Variants in KCNAB3 observed in about 807,000 individuals in gnomAD.
KCNAB3 encodes potassium voltage-gated channel subfamily A regulatory beta subunit 3.
Under a neutral mutation model 67.7 loss-of-function variants are expected in KCNAB3, and 62 were observed. That is an observed-to-expected ratio of 0.92 (90% CI 0.75 to 1.13). KCNAB3 has a LOEUF of 1.13. KCNAB3 is among the 50% of genes most tolerant of loss of function. The probability of loss-of-function intolerance (pLI) is 0.00; values close to 1 mark genes in which losing one functional copy is unlikely to be tolerated. For synonymous variants in KCNAB3, 212 were observed against 205.4 expected, an observed-to-expected ratio of 1.03 and a Z score of -0.27; for missense variants, 514 against 522.9, an observed-to-expected ratio of 0.98 and a Z score of 0.17.
chr17:7,922,711 G>T lies in KCNAB3; in HGVS notation c.*391C>A. The T allele has an allele frequency of 4.2e-6, 1 of 238,542 alleles. No homozygotes were observed. Among genetic ancestry groups the T allele is most frequent in the Non-Finnish European group, 8.5e-6 (1 of 118,268 alleles). 14.8% of individuals were successfully genotyped at this position (238,542 alleles called of 1,614,324 possible). A position where few individuals can be genotyped will look rare whatever the true frequency, so the allele number is the denominator to read the frequency against. On this transcript the variant is annotated 3_prime_UTR_variant, in exon 14 of 14. Transcript: ENST00000303790. Reference sequence around the variant, plus strand: ...TATTACCCTTTGATGACATTTCAAGGGCCCCTTTTGAGGTACACTGTATGT... The same window carrying T: ...TATTACCCTTTGATGACATTTCAAGTGCCCCTTTTGAGGTACACTGTATGT...
intron 4 of KCNAB3, 149 bp downstream of exon 4, chr17:7,927,195 C>A (rs369486446): frequency 2.7e-6 from 2 of 738,602 alleles, no homozygotes; most frequent in South Asian, 1.5e-5. Context: ...GACTGTAGCT[C>A]CTACAGTGCT....
chr17:7,927,879 A>T, intron 1 of KCNAB3, 53 bp from the exon 2 acceptor site: 1 of 1,606,032 alleles, frequency 6.2e-7, no homozygotes, highest in Non-Finnish European at 8.5e-7. Flanking sequence ...ATGGACTTAG[A>T]TTATCAGCCC....
At chr17:7,925,830 G>A (rs575871215) in intron 6 of KCNAB3, 101 bp downstream of exon 6, 2 of 1,591,198 alleles carry the variant, frequency 1.3e-6, no homozygotes, top group African/African-American at 2.7e-5. Flanking sequence ...CACAGGCATG[G>A]TGCGGACCTG....
chr17:7,925,542 A>AT, intron 7 of KCNAB3, 141 bp downstream of exon 7: 1 of 763,314 alleles, frequency 1.3e-6, no homozygotes, highest in South Asian at 1.7e-5. Context: ...AAAAAAAAAA[A>AT]AAAAAAAAAG....
In KCNAB3 at chr17:7,925,689, T is replaced by C. The variant is rs944707554; in HGVS notation, c.532A>G (p.Ile178Val). ...TCCAGCCCCTAACTCTCACCCTCAA[T>C]GATGTGCTTTCGGCTTAAACCTCGC... The part of the protein sequence containing the change: ...TERGLSRKHI[I>V]EGLRGSLERL... The change falls in exon 7 of 14, where the codon ATT becomes GTT. Residue 178 changes from isoleucine to valine, a missense_variant. Ile to Val is a conservative substitution (Grantham distance 29, BLOSUM62 3). Coordinates refer to ENST00000303790, the MANE Select transcript of KCNAB3 (RefSeq NM_004732.4). 1 of 1,613,548 alleles carries C rather than the reference T, an allele frequency of 6.2e-7. No homozygotes were observed. Among genetic ancestry groups the C allele is most frequent in the East Asian group, 2.2e-5 (1 of 44,874 alleles).
At chr17:7,927,267 A>T in intron 4 of KCNAB3, 77 bp downstream of exon 4, 1 of 1,355,954 alleles carries the variant, frequency 7.4e-7, no homozygotes. Flanking sequence ...GGTTCTTTAG[A>T]GGGAAAACGA....
At chr17:7,927,573 G>A in intron 3 of KCNAB3, 84 bp downstream of exon 3, 1 of 1,568,550 alleles carries the variant, frequency 6.4e-7, no homozygotes, top group Middle Eastern at 1.7e-4. Context: ...TGTGCTTGTT[G>A]TCCAAACCCC....
At chr17:7,923,250 A>G (rs1341002162) in intron 13 of KCNAB3, 71 bp from the exon 14 acceptor site, 6 of 1,473,740 alleles carry the variant, frequency 4.1e-6, no homozygotes, top group Non-Finnish European at 5.7e-6. Context: ...GGGTTCCAGT[A>G]GCCGGGGAAG....
intron 1 of KCNAB3, chr17:7,928,981 A>G: frequency 1.3e-6 from 1 of 752,678 alleles, no homozygotes; most frequent in Non-Finnish European, 2.1e-6. Context: ...GACAGGACCC[A>G]GTCAACCTTG....
rs370804500 is a variant in KCNAB3, at chr17:7,923,951, G to A, written c.927+17C>T. On this transcript the variant is annotated intron_variant, in intron 11 of 13. Coordinates refer to ENST00000303790, the MANE Select transcript of KCNAB3 (RefSeq NM_004732.4). Reference sequence around the variant, plus strand: ...CCATATAGCCCAGTCCTGCCATCGAGAGCCCCCAGATCTCACCTTGATGGA... The same window carrying A: ...CCATATAGCCCAGTCCTGCCATCGAAAGCCCCCAGATCTCACCTTGATGGA... 6.2e-7 allele frequency: 1 copy of A among 1,610,086 alleles called. No homozygotes were observed.
At position 7,922,967 on chromosome 17, in the gene KCNAB3, G is replaced by C. The variant is rs1972084455; in HGVS notation, c.*135C>G. On this transcript the variant is annotated 3_prime_UTR_variant, in exon 14 of 14. Transcript: ENST00000303790. ...TTCATGCGTATCACTACTCGAAGCC[G>C]GGACTCGTTGGTGGGCGGGGCTAGT... 5.1e-6 allele frequency: 4 copies of C among 780,946 alleles called. No homozygotes were observed. The highest frequency in any genetic ancestry group is 3.4e-5 in the African/African-American group (2 of 59,156). The allele number at this position is 780,946 out of a possible 1,614,324, so 48.4% of individuals were successfully genotyped here. A position where few individuals can be genotyped will look rare whatever the true frequency, so the allele number is the denominator to read the frequency against.
Position 7,928,085 on chromosome 17 carries a change from T to C in KCNAB3, c.243-259A>G, listed in dbSNP as rs1310558858. The C allele has an allele frequency of 2.2e-5, 13 of 587,224 alleles. No homozygotes were observed. The East Asian group carries it at 2.8e-4, about 13-fold the overall frequency. 36.4% of individuals were successfully genotyped at this position (587,224 alleles called of 1,614,324 possible). ...AGAGTCTCCATTCCCTCTTATCACATTGAAGACGTGCAGTCTGGTTTGTCC... is the reference window on the plus strand; with the variant it reads ...AGAGTCTCCATTCCCTCTTATCACACTGAAGACGTGCAGTCTGGTTTGTCC... On this transcript the variant is annotated intron_variant, in intron 1 of 13. Coordinates refer to ENST00000303790, the MANE Select transcript of KCNAB3 (RefSeq NM_004732.4).
In KCNAB3 at chr17:7,929,138, T is replaced by A. The variant is rs1263603317; in HGVS notation, c.242+56A>T. 1 of 1,600,184 alleles carries A rather than the reference T, an allele frequency of 6.2e-7. No homozygotes were observed. The highest frequency in any genetic ancestry group is 1.1e-5 in the South Asian group (1 of 89,640). On this transcript the variant is annotated intron_variant, in intron 1 of 13. Coordinates refer to ENST00000303790, the MANE Select transcript of KCNAB3 (RefSeq NM_004732.4). The surrounding 1 kb of genome is among the most constrained non-coding windows in gnomAD (Gnocchi z 5.7). ...GGGTCTTGGCGGCCATCTCAAGCAGTCTCAGGGGTCCCGAAAGGAAAGCGG... is the reference window on the plus strand; with the variant it reads ...GGGTCTTGGCGGCCATCTCAAGCAGACTCAGGGGTCCCGAAAGGAAAGCGG...
At chr17:7,925,891 T>C in intron 6 of KCNAB3, 40 bp downstream of exon 6, 1 of 1,591,054 alleles carries the variant, frequency 6.3e-7, no homozygotes, top group Non-Finnish European at 8.6e-7. Context: ...ACACATTCTT[T>C]GTAGGCCTTC....
chr17:7,924,529 C>T (rs755125793), intron 8 of KCNAB3, 29 bp from the exon 9 acceptor site: 3 of 1,588,536 alleles, frequency 1.9e-6, no homozygotes, highest in Non-Finnish European at 2.6e-6. Context: ...GAAAGCCTTA[C>T]TGTCAGAGCC....
At chr17:7,927,724 C>G (rs1451302254) in intron 2 of KCNAB3, 30 bp from the exon 3 acceptor site, 9 of 1,614,236 alleles carry the variant, frequency 5.6e-6, no homozygotes, top group Non-Finnish European at 6.8e-6. Flanking sequence ...CACATGAGAA[C>G]TGCAGGGGGC....
intron 1 of KCNAB3, 112 bp from the exon 2 acceptor site, chr17:7,927,938 A>G (rs897919673): frequency 1.5e-6 from 2 of 1,290,850 alleles, no homozygotes; most frequent in Non-Finnish European, 2.2e-6. Flanking sequence ...TCTCAGTCCA[A>G]AGAAATTAGA....
In KCNAB3 at chr17:7,927,402, C is replaced by T; in HGVS notation, c.346G>A (p.Val116Ile). 1 of 1,613,966 alleles carries T rather than the reference C, an allele frequency of 6.2e-7. No individual in the cohort carries two copies. Among genetic ancestry groups the T allele is most frequent in the Non-Finnish European group, 8.5e-7 (1 of 1,180,006 alleles). ...AGGTTTACACCATGCTCATAGGCTA[C>T]AGTCAGCACATCCTCTGCTGTCTAG... ...SDETAEDVLT[V>I]AYEHGVNLFD... The change falls in exon 4 of 14, where the codon GTA becomes ATA. Residue 116 changes from valine to isoleucine, a missense_variant. Val to Ile is a conservative substitution (Grantham distance 29, BLOSUM62 3). Coordinates refer to ENST00000303790, the MANE Select transcript of KCNAB3 (RefSeq NM_004732.4).
rs773306552 is a variant in KCNAB3 at position 7,925,180 on chromosome 17, A to C, written c.542T>G (p.Leu181Trp). The change falls in exon 8 of 14, where the codon TTG becomes TGG. Residue 181 changes from leucine to tryptophan, a missense_variant. Coordinates refer to ENST00000303790, the MANE Select transcript of KCNAB3 (RefSeq NM_004732.4). ...CTGGAGGCGTTCCAGGGATCCTCGC[A>C]AGCCTGGAGGTGGGGTAGGGAGAAG... Reference protein sequence around the residue: ...GLSRKHIIEGLRGSLERLQLG... With the variant: ...GLSRKHIIEGWRGSLERLQLG... 6.2e-7 allele frequency: 1 copy of C among 1,613,328 alleles called. No homozygotes were observed. The highest frequency in any genetic ancestry group is 2.2e-5 in the East Asian group (1 of 44,844).
Sources: allele counts gnomAD v4.1 joint callset, GRCh38; gene constraint gnomAD v4.1.1; non-coding constraint Gnocchi (gnomAD v3.1); transcripts MANE v1.5; gene names NCBI Gene and HGNC (gene_info 2026-07-23, HGNC 2026-07-21).